ZNF836: variants seen among roughly 807,000 people sequenced by gnomAD.
The protein encoded by ZNF836 is zinc finger protein 836.
Under a neutral mutation model 7.4 loss-of-function variants are expected in ZNF836, and 12 were observed. The ratio of observed to expected loss-of-function variants is 1.61; its 90% confidence interval spans 1.03 to 2.61. The LOEUF (loss-of-function observed/expected upper bound fraction) is 2.61, where lower values mean the gene tolerates loss of function less well. Among genes scored for constraint, ZNF836 ranks in the 30% most tolerant of loss-of-function variants. The probability of loss-of-function intolerance (pLI) is 0.00; values close to 1 mark genes in which losing one functional copy is unlikely to be tolerated. For synonymous variants in ZNF836, 365 were observed against 382.6 expected, an observed-to-expected ratio of 0.95 and a Z score of 0.54; for missense variants, 998 against 1,126.2, an observed-to-expected ratio of 0.89 and a Z score of 1.63.
Position 52,167,250 on chromosome 19 carries a change from T to A in ZNF836, c.15+808A>T, listed in dbSNP as rs2089273181. 4.0e-5 allele frequency among the ~76,000 whole-genome samples: 6 copies of A among 151,664 alleles called. No individual in the cohort carries two copies. In the South Asian group the frequency reaches 1.2e-3, roughly 32 times the overall value. ...ATTTTGGGAGGCCGAGGCGGGAGGA[T>A]CACCTGAGGTTGGGAGTTCTAGACC... On this transcript the variant is annotated intron_variant, in intron 3 of 4. Transcript: ENST00000682614.
In ZNF836 at chr19:52,161,424, G is replaced by A. The variant is rs939443902; in HGVS notation, c.16-833C>T. On this transcript the variant is annotated intron_variant, in intron 3 of 4. Transcript: ENST00000682614. The surrounding 1 kb of genome is among the most constrained non-coding windows in gnomAD (Gnocchi z 4.1). ...TGATCCTCGCTTCCAAGATGGTCTT[G>A]TTGCTGCACAGGGGACGAATGCTGT... is the stretch of plus-strand genomic sequence containing the variant. 1.3e-5 allele frequency among the ~76,000 whole-genome samples: 2 copies of A among 149,262 alleles called. 1 individual carries two copies. The highest frequency in any genetic ancestry group is 4.4e-4 in the South Asian group (2 of 4,586).
intron 2 of ZNF836, among the ~76,000 whole-genome samples, chr19:52,168,465 G>C (rs1438270850): frequency 6.6e-6 from 1 of 152,222 alleles, no homozygotes; most frequent in East Asian, 1.9e-4. Context: ...GCATGCACCT[G>C]TAGTCCCAGC....
chr19:52,158,009 C>A (rs2089182091), intron 4 of ZNF836, among the ~76,000 whole-genome samples: 1 of 152,078 alleles, frequency 6.6e-6, no homozygotes, highest in Non-Finnish European at 1.5e-5. Flanking sequence ...CAATGATCTT[C>A]TATTTTTACA....
rs1235961090 is a variant in ZNF836, at chr19:52,160,300, T to C, written c.142+165A>G. On this transcript the variant is annotated intron_variant, in intron 4 of 4. Coordinates refer to ENST00000682614, the MANE Select transcript of ZNF836 (RefSeq NM_001102657.3). Reference sequence around the variant, plus strand: ...ATTCAAAAAGGGGATAGTGTGATGATATGGGAAATGAAAGGCCAGATGCAG... The same window carrying C: ...ATTCAAAAAGGGGATAGTGTGATGACATGGGAAATGAAAGGCCAGATGCAG... The C allele has an allele frequency of 5.4e-6, 4 of 746,894 alleles. No individual in the cohort carries two copies. In the Admixed American group the frequency reaches 7.9e-5, roughly 15 times the overall value. 46.3% of individuals were successfully genotyped at this position (746,894 alleles called of 1,614,324 possible).
intron 3 of ZNF836, among the ~76,000 whole-genome samples, chr19:52,166,572 C>T (rs998810711): frequency 1.8e-5 from 2 of 112,278 alleles, no homozygotes; most frequent in African/African-American, 5.7e-5. Context: ...GTTGTACCAA[C>T]TTCTTTTTTT....
intron 4 of ZNF836, 37 bp downstream of exon 4, chr19:52,160,427 AG>A: frequency 6.2e-7 from 1 of 1,613,808 alleles, no homozygotes; most frequent in Non-Finnish European, 8.5e-7. Flanking sequence ...AAAATACACG[AG>A]GGCAGATCTT....
chr19:52,166,533 A>G (rs2089265277), intron 3 of ZNF836, among the ~76,000 whole-genome samples: 2 of 151,614 alleles, frequency 1.3e-5, no homozygotes, highest in Non-Finnish European at 1.5e-5. Context: ...TTCATATATA[A>G]TAAAATATTA....
Position 52,155,864 on chromosome 19 carries a change from G to T in ZNF836, c.1819C>A (p.Gln607Lys). The stretch of plus-strand genomic sequence containing the variant: ...CACACATTACATTTGTAAGGTTTCT[G>T]CCCAGTATGAATTCTTAGATGACGT... The part of the protein sequence containing the change: ...LARHLRIHTG[Q>K]KPYKCNVCGK... The change falls in exon 5 of 5, where the codon CAG becomes AAG. Residue 607 changes from glutamine to lysine, a missense_variant. Gln to Lys is a moderately conservative substitution (Grantham distance 53, BLOSUM62 1). Coordinates refer to ENST00000682614, the MANE Select transcript of ZNF836 (RefSeq NM_001102657.3). The T allele has an allele frequency of 6.2e-7, 1 of 1,610,308 alleles. No individual in the cohort carries two copies. Among genetic ancestry groups the T allele is most frequent in the Non-Finnish European group, 8.5e-7 (1 of 1,178,948 alleles).
At chr19:52,162,678 T>C (rs933264145) in intron 3 of ZNF836, among the ~76,000 whole-genome samples, 4 of 152,150 alleles carry the variant, frequency 2.6e-5, no homozygotes, top group African/African-American at 9.7e-5. Context: ...GTGGGGGTGA[T>C]TGTTGGTAAC....
In ZNF836 at chr19:52,160,604, A is replaced by G; in HGVS notation, c.16-13T>C. 1 of 1,596,534 alleles carries G rather than the reference A, an allele frequency of 6.3e-7. No individual in the cohort carries two copies. The highest frequency in any genetic ancestry group is 8.5e-7 in the Non-Finnish European group (1 of 1,174,542). On this transcript the variant is annotated splice_polypyrimidine_tract_variant and intron_variant, in intron 3 of 4. Transcript: ENST00000682614. ...ATGTCAAAGGTCCCTGAAATGAAAA[A>G]CACATTTCAACATGAGCAATGGGAG...
At position 52,156,425 on chromosome 19, in the gene ZNF836, C is replaced by T; in HGVS notation, c.1258G>A (p.Gly420Ser). The T allele has an allele frequency of 6.2e-7, 1 of 1,614,138 alleles. No homozygotes were observed. Among genetic ancestry groups the T allele is most frequent in the African/African-American group, 1.3e-5 (1 of 75,036 alleles). Residue 420 changes from glycine (G) to serine (S), a missense_variant, in exon 5 of 5, where the codon GGC becomes AGC. Coordinates refer to ENST00000682614, the MANE Select transcript of ZNF836 (RefSeq NM_001102657.3). ...CTGGAGCTCCGTTTAAAGGTTTTGC[C>T]ACACTCATCACATTTGTAAGGTTTG... ...GNKPYKCDEC[G>S]KTFKRSSSLT...
At chr19:52,163,511 ACG>A (rs1406805479) in intron 3 of ZNF836, among the ~76,000 whole-genome samples, 11 of 152,188 alleles carry the variant, frequency 7.2e-5, no homozygotes, top group Non-Finnish European at 1.6e-4. Context: ...GCGGTGGCTC[ACG>A]CCTGTAATCC....
In ZNF836 at chr19:52,155,181, G is replaced by A. The variant is rs2089140325; in HGVS notation, c.2502C>T (p.Tyr834=). Residue 834 remains tyrosine, a synonymous_variant, in exon 5 of 5, where the codon TAC becomes TAT. Transcript: ENST00000682614. ...HQKMHTGDKP[Y]KCNECGKAFI... is the part of the protein sequence containing the mutation. ...AAGCTTTACCACATTCATTACATTTGTAAGGTTTGTCCCCAGTATGCATTT... is the reference window on the plus strand; with the variant it reads ...AAGCTTTACCACATTCATTACATTTATAAGGTTTGTCCCCAGTATGCATTT... The A allele has an allele frequency of 5.0e-6, 8 of 1,614,036 alleles. No homozygotes were observed. The highest frequency in any genetic ancestry group is 6.8e-6 in the Non-Finnish European group (8 of 1,179,986).
At chr19:52,159,176 T>C (rs1181616432) in intron 4 of ZNF836, among the ~76,000 whole-genome samples, 1 of 152,184 alleles carries the variant, frequency 6.6e-6, no homozygotes, top group Non-Finnish European at 1.5e-5. Context: ...CCTAACCACA[T>C]TAAGTTAAAG....
At chr19:52,169,576 T>A (rs1330692447) in intron 2 of ZNF836, 72 bp downstream of exon 2, 3 of 150,940 alleles carry the variant, frequency 2.0e-5, no homozygotes, top group Non-Finnish European at 4.4e-5. Context: ...CGAAACTCCG[T>A]CCCAAAAAAA....
chr19:52,155,242 G>T lies in ZNF836; in HGVS notation c.2441C>A (p.Ala814Asp), dbSNP rs1356781542. 1.9e-6 allele frequency: 3 copies of T among 1,613,966 alleles called. No individual in the cohort carries two copies. The highest frequency in any genetic ancestry group is 1.7e-6 in the Non-Finnish European group (2 of 1,179,946). Residue 814 changes from alanine to aspartate, a missense_variant, in exon 5 of 5, where the codon GCC becomes GAC. By Grantham distance (126) the Ala-to-Asp change is moderately radical (BLOSUM62 -2). Transcript: ENST00000682614. ...AACCAGAATTGAACGCACTCTAAAG[G>T]CTTTGCCACACTCATTACACACGTA... ...KPYVCNECGKAFRVRSILVNH... is the reference protein window; with the variant it reads ...KPYVCNECGKDFRVRSILVNH...
At position 52,154,728 on chromosome 19, in the gene ZNF836, G is replaced by C; in HGVS notation, c.*144C>G. The C allele has an allele frequency of 1.5e-6, 1 of 661,178 alleles. No homozygotes were observed. The allele number at this position is 661,178 out of a possible 1,614,324, so 41.0% of individuals were successfully genotyped here. A position where few individuals can be genotyped will look rare whatever the true frequency, so the allele number is the denominator to read the frequency against. On this transcript the variant is annotated 3_prime_UTR_variant, in exon 5 of 5. Transcript: ENST00000682614. The stretch of plus-strand genomic sequence containing the variant: ...CTATCCCAAGAAGAGCAAAAAGCGG[G>C]TGGTGCTAAACCATTCTTGAGAAAT...
chr19:52,169,183 A>C (rs906704489), intron 2 of ZNF836, among the ~76,000 whole-genome samples: 1 of 152,340 alleles, frequency 6.6e-6, no homozygotes, highest in African/African-American at 2.4e-5. Flanking sequence ...ATGCCACCAA[A>C]TCTTATTTCA....
At chr19:52,162,248 C>T (rs1367349209) in intron 3 of ZNF836, among the ~76,000 whole-genome samples, 1 of 152,214 alleles carries the variant, frequency 6.6e-6, no homozygotes, top group Non-Finnish European at 1.5e-5. Flanking sequence ...CAGGGCTTTA[C>T]TGGACCTTAT....
Sources: gnomAD v4.1 joint callset for allele counts (sites outside exome capture counted in the v4.1 genomes callset) on GRCh38, gnomAD v4.1.1 for gene constraint, Gnocchi (gnomAD v3.1) non-coding constraint, MANE v1.5 for transcripts, NCBI Gene and HGNC (gene_info 2026-07-23, HGNC 2026-07-21) for gene names.